ZCCHC24: variants seen among roughly 807,000 people sequenced by gnomAD.
The protein encoded by ZCCHC24 is zinc finger CCHC domain-containing protein 24.
Under a neutral mutation model 26.2 loss-of-function variants are expected in ZCCHC24, and 10 were observed. That is an observed-to-expected ratio of 0.38 (90% CI 0.24 to 0.65). The LOEUF is 0.65. ZCCHC24 is among the 30% of genes least tolerant of loss of function. The pLI is 0.54. For synonymous variants in ZCCHC24, 144 were observed against 147.1 expected (o/e 0.98, Z 0.15); for missense variants, 243 against 329.1 (o/e 0.74, Z 2.03).
In ZCCHC24 at chr10:79,440,453, G is replaced by A. The variant is rs116405143; in HGVS notation, c.246+4742C>T. 1.2e-3 allele frequency among the ~76,000 whole-genome samples: 184 copies of A among 152,296 alleles called. 1 individual carries two copies. Among genetic ancestry groups the A allele is most frequent in the African/African-American group, 3.8e-3 (158 of 41,564 alleles). The stretch of plus-strand genomic sequence containing the variant: ...GTTTGAGGACCAGGGACAAAATGTC[G>A]GAGGCACTGAGGCTTGATAGGATGG... On this transcript the variant is annotated intron_variant, in intron 1 of 3. Coordinates refer to ENST00000372336, the MANE Select transcript of ZCCHC24 (RefSeq NM_153367.4).
intron 2 of ZCCHC24, among the ~76,000 whole-genome samples, chr10:79,415,333 C>T (rs1856845017): frequency 6.6e-6 from 1 of 152,118 alleles, no homozygotes; most frequent in Non-Finnish European, 1.5e-5. Flanking sequence ...CCCTTGAAGT[C>T]AAAATGGTCT....
intron 2 of ZCCHC24, among the ~76,000 whole-genome samples, chr10:79,428,851 T>A (rs1857085246): frequency 1.3e-5 from 2 of 152,122 alleles, no homozygotes; most frequent in South Asian, 4.1e-4. Context: ...TATGGATAAC[T>A]GTATGCCAAC....
chr10:79,396,812 C>G (rs903163619), intron 2 of ZCCHC24, among the ~76,000 whole-genome samples: 1 of 152,180 alleles, frequency 6.6e-6, no homozygotes, highest in African/African-American at 2.4e-5. Context: ...TAAGGGCACA[C>G]GCTCTGGATC....
intron 2 of ZCCHC24, among the ~76,000 whole-genome samples, chr10:79,427,604 A>G (rs191488895): frequency 9.6e-5 from 12 of 124,658 alleles, no homozygotes; most frequent in African/African-American, 3.3e-4. Context: ...CAAAGAGGAA[A>G]TCACAAGGGA....
At chr10:79,425,543 G>A (rs1408151058) in intron 2 of ZCCHC24, among the ~76,000 whole-genome samples, 2 of 152,194 alleles carry the variant, frequency 1.3e-5, no homozygotes, top group African/African-American at 2.4e-5. Flanking sequence ...GATGCAGGAT[G>A]ATATTGAAAA....
intron 2 of ZCCHC24, among the ~76,000 whole-genome samples, chr10:79,410,959 G>C (rs1055334547): frequency 6.6e-6 from 1 of 152,174 alleles, no homozygotes; most frequent in Admixed American, 6.5e-5. Flanking sequence ...TGGGGGCTGA[G>C]GCAGGAGCTC....
chr10:79,383,401 G>C lies in ZCCHC24; in HGVS notation c.*2944C>G, dbSNP rs1205409522. ...TGTAGTTCAGTTGCATATTTTTACA[G>C]ACCAAAGCATAGTAAAAAACAAACA... On this transcript the variant is annotated 3_prime_UTR_variant, in exon 4 of 4. Coordinates refer to ENST00000372336, the MANE Select transcript of ZCCHC24 (RefSeq NM_153367.4). The C allele has an allele frequency of 6.6e-6, 1 of 152,366 alleles. No homozygotes were observed. The highest frequency in any genetic ancestry group is 1.5e-5 in the Non-Finnish European group (1 of 68,006). The allele number at this position is 152,366 out of a possible 1,614,324, so 9.4% of individuals were successfully genotyped here. A position where few individuals can be genotyped will look rare whatever the true frequency, so the allele number is the denominator to read the frequency against.
Position 79,384,124 on chromosome 10 carries a change from A to T in ZCCHC24, c.*2221T>A, listed in dbSNP as rs1856359146. On this transcript the variant is annotated 3_prime_UTR_variant, in exon 4 of 4. Transcript: ENST00000372336. Reference sequence around the variant, plus strand: ...CTCAAAGCGGGAACCCCAGCCCCCAAGGTGGCTGGCTCTGCACAGATGGCA... The same window carrying T: ...CTCAAAGCGGGAACCCCAGCCCCCATGGTGGCTGGCTCTGCACAGATGGCA... The T allele has an allele frequency of 6.6e-6, 1 of 152,470 alleles. No homozygotes were observed. The highest frequency in any genetic ancestry group is 6.5e-5 in the Admixed American group (1 of 15,292). 9.4% of individuals were successfully genotyped at this position (152,470 alleles called of 1,614,324 possible). A position where few individuals can be genotyped will look rare whatever the true frequency, so the allele number is the denominator to read the frequency against.
intron 2 of ZCCHC24, among the ~76,000 whole-genome samples, chr10:79,401,763 A>T (rs528394814): frequency 2.6e-5 from 4 of 152,300 alleles, no homozygotes; most frequent in African/African-American, 9.6e-5. Flanking sequence ...CCGCCCTCCC[A>T]TGGAGCACAA....
rs1564630414 is a variant in ZCCHC24 at position 79,386,155 on chromosome 10, G to A, written c.*190C>T. On this transcript the variant is annotated 3_prime_UTR_variant, in exon 4 of 4. Coordinates refer to ENST00000372336, the MANE Select transcript of ZCCHC24 (RefSeq NM_153367.4). ...CTCCCTGCTTTCCCTGGCCTGTGGG[G>A]GGCAGCAATGTCAGTAACACTGTTT... 3.3e-6 allele frequency: 2 copies of A among 611,946 alleles called. No homozygotes were observed. The highest frequency in any genetic ancestry group is 6.0e-6 in the Non-Finnish European group (2 of 331,842). The allele number at this position is 611,946 out of a possible 1,614,324, so 37.9% of individuals were successfully genotyped here.
intron 2 of ZCCHC24, among the ~76,000 whole-genome samples, chr10:79,419,679 C>G (rs941760478): frequency 6.6e-6 from 1 of 152,130 alleles, no homozygotes. Flanking sequence ...TCCCTCTGAG[C>G]TTGGAGGAAA....
At chr10:79,445,140 A>ACGGGGGGG (rs1857346197) in intron 1 of ZCCHC24, 55 bp downstream of exon 1, 3 of 1,099,278 alleles carry the variant, frequency 2.7e-6, no homozygotes, top group South Asian at 3.4e-5. Flanking sequence ...ACGGCCCGCC[A>ACGGGGGGG]CGGTGGGGCG....
chr10:79,430,686 C>CCACACACACACACACA (rs71030975), intron 2 of ZCCHC24, among the ~76,000 whole-genome samples: 2 of 140,606 alleles, frequency 1.4e-5, no homozygotes, highest in African/African-American at 2.7e-5. Context: ...CACACACACA[C>CCACACACACACACACA]CACACACACA....
In ZCCHC24 at chr10:79,432,833, G is replaced by A. The variant is rs117180619; in HGVS notation, c.247-75C>T. The A allele has an allele frequency of 4.9e-4, 720 of 1,481,950 alleles. 2 individuals are homozygous for A. In the East Asian group the frequency reaches 7.7e-3, roughly 16 times the overall value. The allele number at this position is 1,481,950 out of a possible 1,614,324, so 91.8% of individuals were successfully genotyped here. A position where few individuals can be genotyped will look rare whatever the true frequency, so the allele number is the denominator to read the frequency against. On this transcript the variant is annotated intron_variant, in intron 1 of 3. Transcript: ENST00000372336. ...TCCATAACCCCCCACCCAAACACAC[G>A]CATGGATTCACACTGAGTCTTCAGC...
chr10:79,399,468 AC>A (rs896005420), intron 2 of ZCCHC24, among the ~76,000 whole-genome samples: 2 of 152,208 alleles, frequency 1.3e-5, no homozygotes, highest in Admixed American at 1.3e-4. Context: ...CCTGCCACGT[AC>A]CCCTCTGGGG....
At chr10:79,444,474 C>A (rs966098525) in intron 1 of ZCCHC24, among the ~76,000 whole-genome samples, 1 of 152,110 alleles carries the variant, frequency 6.6e-6, no homozygotes, top group African/African-American at 2.4e-5. Flanking sequence ...GAACCTCTCC[C>A]CCCCCCTTTC....
intron 2 of ZCCHC24, among the ~76,000 whole-genome samples, chr10:79,430,686 C>CACACCACACACACACACA (rs370025190): frequency 7.1e-6 from 1 of 140,620 alleles, no homozygotes; most frequent in African/African-American, 2.7e-5. Flanking sequence ...CACACACACA[C>CACACCACACACACACACA]CACACACACA....
intron 2 of ZCCHC24, among the ~76,000 whole-genome samples, chr10:79,421,849 A>C (rs1236355624): frequency 3.3e-5 from 5 of 152,042 alleles, no homozygotes; most frequent in African/African-American, 1.2e-4. Flanking sequence ...GGCTGGTCTC[A>C]AACTCCTGAC....
chr10:79,416,576 T>A (rs910926639), intron 2 of ZCCHC24, among the ~76,000 whole-genome samples: 2 of 152,178 alleles, frequency 1.3e-5, no homozygotes, highest in African/African-American at 4.8e-5. Context: ...TCCCTTGACG[T>A]CTCTGAAGAC....
Sources: allele counts gnomAD v4.1 joint callset (sites outside exome capture counted in the v4.1 genomes callset), GRCh38; gene constraint gnomAD v4.1.1; transcripts MANE v1.5; gene names NCBI Gene and HGNC (gene_info 2026-07-23, HGNC 2026-07-21).